Variants in CCNY observed in about 807,000 individuals in gnomAD.
CCNY encodes the protein cyclin-Y.
Under a neutral mutation model 42.8 loss-of-function variants are expected in CCNY, and 19 were observed. That is an observed-to-expected ratio of 0.44 (90% CI 0.31 to 0.65). The LOEUF is 0.65. Among genes scored for constraint, CCNY ranks in the 30% least tolerant of loss-of-function variants. CCNY has a pLI of 0.07. For missense variants in CCNY, 370 were observed against 437.3 expected, an observed-to-expected ratio of 0.85 and a Z score of 1.37; for synonymous variants, 165 against 162.7, an observed-to-expected ratio of 1.01 and a Z score of -0.11.
intron 1 of CCNY, among the ~76,000 whole-genome samples, chr10:35,371,340 C>T (rs1490416904): frequency 6.6e-6 from 1 of 152,210 alleles, no homozygotes; most frequent in Non-Finnish European, 1.5e-5. Flanking sequence ...TGTGGCCACA[C>T]TAGTTCCTGC....
chr10:35,378,258 T>C (rs1005908232), intron 1 of CCNY, among the ~76,000 whole-genome samples: 6 of 152,236 alleles, frequency 3.9e-5, no homozygotes, highest in African/African-American at 1.2e-4. Context: ...TCACATTTGC[T>C]AATATCATCC....
In CCNY at chr10:35,336,890, G is replaced by GCCA. The variant is rs1836047411; in HGVS notation, c.-162_-161insACC. The GCCA allele has an allele frequency of 4.6e-6, 1 of 216,292 alleles. No homozygotes were observed. The highest frequency in any genetic ancestry group is 2.6e-5 in the African/African-American group (1 of 37,740). 13.4% of individuals were successfully genotyped at this position (216,292 alleles called of 1,614,324 possible). A position where few individuals can be genotyped will look rare whatever the true frequency, so the allele number is the denominator to read the frequency against. ...CCCATGGCGAGGCCCCGCCGCCGCC[G>GCCA]CCGCTGCTGACCCGGCGGCCGGCCG... is the stretch of plus-strand genomic sequence containing the variant. On this transcript the variant is annotated 5_prime_UTR_variant, in exon 1 of 10. Coordinates refer to ENST00000374704, the MANE Select transcript of CCNY (RefSeq NM_145012.6).
At chr10:35,546,258 A>G (rs1186571113) in intron 7 of CCNY, among the ~76,000 whole-genome samples, 1 of 152,266 alleles carries the variant, frequency 6.6e-6, no homozygotes, top group African/African-American at 2.4e-5. Context: ...GGATTGGAAT[A>G]ATTTCAGCAT....
At chr10:35,461,871 T>C (rs563105825) in intron 1 of CCNY, among the ~76,000 whole-genome samples, 147 of 152,314 alleles carry the variant, frequency 9.7e-4, no homozygotes, top group African/African-American at 3.4e-3. Flanking sequence ...CCTGATGTTA[T>C]TGAGTCCAGC....
intron 1 of CCNY, among the ~76,000 whole-genome samples, chr10:35,398,507 A>C (rs1026182184): frequency 2.0e-5 from 3 of 151,922 alleles, no homozygotes; most frequent in African/African-American, 7.3e-5. Context: ...TGGCTGGTCC[A>C]GTTCCTATGT....
At chr10:35,336,506 A>G (rs1296552191), upstream of CCNY, 1 of 150,210 alleles carries the variant, frequency 6.7e-6, no homozygotes, top group Non-Finnish European at 1.5e-5. Flanking sequence ...GAGGGCCGCC[A>G]GCATCCTCCC....
At chr10:35,489,302 T>C (rs184931766) in intron 2 of CCNY, among the ~76,000 whole-genome samples, 136 of 152,358 alleles carry the variant, frequency 8.9e-4, no homozygotes, top group African/African-American at 2.8e-3. Context: ...TTTTTTGTTT[T>C]GTTTTGTTTT....
intron 1 of CCNY, among the ~76,000 whole-genome samples, chr10:35,402,684 A>G (rs982341180): frequency 6.6e-6 from 1 of 152,194 alleles, no homozygotes; most frequent in African/African-American, 2.4e-5. Context: ...AGGGTGGCAT[A>G]AGAACAGGAA....
intron 1 of CCNY, among the ~76,000 whole-genome samples, chr10:35,468,166 A>AGAT (rs1206261187): frequency 6.6e-6 from 1 of 152,236 alleles, no homozygotes; most frequent in Non-Finnish European, 1.5e-5. Context: ...CCCGGTTCAT[A>AGAT]GATGACCATC....
At chr10:35,430,852 T>C (rs1345895799) in intron 1 of CCNY, among the ~76,000 whole-genome samples, 1 of 152,178 alleles carries the variant, frequency 6.6e-6, no homozygotes, top group Non-Finnish European at 1.5e-5. Context: ...GGCTCATGCC[T>C]GTAATCCCAG....
intron 7 of CCNY, among the ~76,000 whole-genome samples, chr10:35,538,908 A>T (rs964175079): frequency 7.9e-5 from 12 of 152,222 alleles, no homozygotes; most frequent in Non-Finnish European, 1.5e-4. Context: ...GAGTTTTATA[A>T]ATGTAGCTCT....
chr10:35,441,231 A>G (rs1160152586), intron 1 of CCNY, among the ~76,000 whole-genome samples: 1 of 152,228 alleles, frequency 6.6e-6, no homozygotes, highest in Non-Finnish European at 1.5e-5. Flanking sequence ...TAAGCCAAGA[A>G]CAAGTTGGCC....
chr10:35,490,986 A>G (rs1425763283), intron 2 of CCNY, among the ~76,000 whole-genome samples: 1 of 152,200 alleles, frequency 6.6e-6, no homozygotes, highest in African/African-American at 2.4e-5. Context: ...GACCATTTCA[A>G]TAAAAGAATT....
chr10:35,403,346 A>G (rs1004223416), intron 1 of CCNY, among the ~76,000 whole-genome samples: 1 of 152,190 alleles, frequency 6.6e-6, no homozygotes, highest in Admixed American at 6.5e-5. Flanking sequence ...TCCTTGGTCT[A>G]AGAACCATTT....
chr10:35,368,110 G>T (rs1199863565), intron 1 of CCNY, among the ~76,000 whole-genome samples: 5 of 152,172 alleles, frequency 3.3e-5, no homozygotes, highest in Non-Finnish European at 7.3e-5. Flanking sequence ...TCTGCCTGGA[G>T]GTTGTTAGAA....
At position 35,529,963 on chromosome 10, in the gene CCNY, T is replaced by A. The variant is rs1431573311; in HGVS notation, c.402-10T>A. The A allele has an allele frequency of 3.7e-6, 6 of 1,609,756 alleles. No homozygotes were observed. The Admixed American group carries it at 5.0e-5, about 13-fold the overall frequency. On this transcript the variant is annotated splice_polypyrimidine_tract_variant and intron_variant, in intron 5 of 9. Coordinates refer to ENST00000374704, the MANE Select transcript of CCNY (RefSeq NM_145012.6). ...AAGTAAGTTTCATTTTCTATTATTT[T>A]CCCTACCAGGGACCCAGATGGAAGG...
chr10:35,371,158 T>C (rs1250668741), intron 1 of CCNY, among the ~76,000 whole-genome samples: 2 of 152,248 alleles, frequency 1.3e-5, no homozygotes, highest in African/African-American at 4.8e-5. Flanking sequence ...GCAGGGACTA[T>C]ATGGATCATG....
At chr10:35,483,354 C>G (rs769917918) in intron 1 of CCNY, 50 bp from the exon 2 acceptor site, 8 of 1,216,596 alleles carry the variant, frequency 6.6e-6, no homozygotes, top group African/African-American at 1.5e-5. Context: ...CTTGATTCCT[C>G]TTAGTTATCA....
chr10:35,381,577 A>AG (rs1837185981), intron 1 of CCNY, among the ~76,000 whole-genome samples: 1 of 152,140 alleles, frequency 6.6e-6, no homozygotes, highest in Non-Finnish European at 1.5e-5. Flanking sequence ...AAAAAAAAAA[A>AG]AAAAAGAAAT....
Sources: allele counts gnomAD v4.1 joint callset (sites outside exome capture counted in the v4.1 genomes callset), GRCh38; gene constraint gnomAD v4.1.1; transcripts MANE v1.5; gene names NCBI Gene and HGNC (gene_info 2026-07-23, HGNC 2026-07-21).